The following PEAK1 variants were observed in gnomAD, a reference collection of about 807,000 sequenced individuals.
The protein encoded by PEAK1 is pseudopodium enriched atypical kinase 1.
Under a neutral mutation model 124.7 loss-of-function variants are expected in PEAK1, and 54 were observed. The ratio of observed to expected loss-of-function variants is 0.43; its 90% CI spans 0.35 to 0.54. The LOEUF (loss-of-function observed/expected upper bound fraction) is 0.54. Among genes scored for constraint, PEAK1 ranks in the 20% least tolerant of loss-of-function variants. PEAK1 has a pLI of 0.01. For missense variants in PEAK1, 2,046 were observed against 2,134.5 expected, an observed-to-expected ratio of 0.96 and a Z score of 0.82; for synonymous variants, 719 against 760.0, an observed-to-expected ratio of 0.95 and a Z score of 0.89.
At chr15:77,403,825 T>A (rs1430854555) in intron 1 of PEAK1, 1 of 982,628 alleles carries the variant, frequency 1.0e-6, no homozygotes, top group East Asian at 1.1e-4. Flanking sequence ...TCTATTCTAA[T>A]ATATCCCTAA....
chr15:77,173,227 G>C (rs971388966), intron 7 of PEAK1, among the ~76,000 whole-genome samples: 1 of 152,112 alleles, frequency 6.6e-6, no homozygotes, highest in Non-Finnish European at 1.5e-5. Context: ...AAGTGTCTTT[G>C]TATTATAAAA....
intron 5 of PEAK1, among the ~76,000 whole-genome samples, chr15:77,256,431 A>T (rs1000482933): frequency 2.0e-5 from 3 of 152,086 alleles, no homozygotes; most frequent in African/African-American, 7.2e-5. Context: ...AATCATATAG[A>T]ATGGAAATAC....
intron 2 of PEAK1, among the ~76,000 whole-genome samples, chr15:77,344,047 G>A (rs1388862531): frequency 6.6e-6 from 1 of 152,120 alleles, no homozygotes; most frequent in Non-Finnish European, 1.5e-5. Flanking sequence ...CGCCACCCTT[G>A]TTGAAAATCA....
intron 1 of PEAK1, chr15:77,417,391 C>A: frequency 1.0e-6 from 1 of 968,540 alleles, no homozygotes; most frequent in Admixed American, 7.9e-5. Context: ...CTTGAGGGAA[C>A]CTAGAAAGTA....
intron 6 of PEAK1, among the ~76,000 whole-genome samples, chr15:77,206,653 C>T (rs1042390947): frequency 9.3e-5 from 14 of 150,896 alleles, no homozygotes; most frequent in East Asian, 3.9e-4. Context: ...TCATGTCCTT[C>T]GCCCACTTTT....
intron 6 of PEAK1, among the ~76,000 whole-genome samples, chr15:77,209,170 T>C (rs1244356052): frequency 6.6e-6 from 1 of 152,188 alleles, no homozygotes; most frequent in Non-Finnish European, 1.5e-5. Context: ...ATAACCCTTT[T>C]ATGTCTCTTT....
chr15:77,172,459 T>C (rs1490154898), intron 7 of PEAK1, among the ~76,000 whole-genome samples: 2 of 152,204 alleles, frequency 1.3e-5, no homozygotes, highest in Admixed American at 6.5e-5. Context: ...TGACAACAAA[T>C]ACAGTTAGTT....
intron 2 of PEAK1, among the ~76,000 whole-genome samples, chr15:77,357,358 C>T (rs1212673952): frequency 1.3e-5 from 2 of 152,176 alleles, no homozygotes; most frequent in Admixed American, 1.3e-4. Flanking sequence ...CTGCAACCTC[C>T]GCCTCCGGGG....
At chr15:77,168,556 G>A (rs1596447162) in intron 7 of PEAK1, among the ~76,000 whole-genome samples, 1 of 152,156 alleles carries the variant, frequency 6.6e-6, no homozygotes, top group East Asian at 1.9e-4. Context: ...TACAGAAACA[G>A]GTAAACAAGT....
intron 2 of PEAK1, among the ~76,000 whole-genome samples, chr15:77,294,013 C>G (rs1044846090): frequency 3.3e-5 from 5 of 152,172 alleles, no homozygotes; most frequent in African/African-American, 1.2e-4. Flanking sequence ...TAGATATAAG[C>G]ATTACCTCTG....
Position 77,342,296 on chromosome 15 carries a change from C to G in PEAK1, c.-603+22867G>C, listed in dbSNP as rs867046510. Among the ~76,000 whole-genome samples the G allele has an allele frequency of 9.2e-5, 14 of 152,010 alleles. No homozygotes were observed. In the South Asian group the frequency reaches 1.2e-3, roughly 14 times the overall value. Reference sequence around the variant, plus strand: ...TATCATGCAAATCTGAAACTTATACCCATTAAGAATTCCTCTTCCCTCTCC... The same window carrying G: ...TATCATGCAAATCTGAAACTTATACGCATTAAGAATTCCTCTTCCCTCTCC... On this transcript the variant is annotated intron_variant, in intron 2 of 9. Transcript: ENST00000682557.
chr15:77,182,933 G>C (rs2057359926), intron 6 of PEAK1, among the ~76,000 whole-genome samples: 1 of 151,858 alleles, frequency 6.6e-6, no homozygotes, highest in Non-Finnish European at 1.5e-5. Context: ...CAAAACCCAT[G>C]AAATTCTTAC....
At chr15:77,269,435 A>C (rs1260954645) in intron 5 of PEAK1, among the ~76,000 whole-genome samples, 1 of 152,206 alleles carries the variant, frequency 6.6e-6, no homozygotes, top group African/African-American at 2.4e-5. Flanking sequence ...GATACTACAT[A>C]ATGATAAAAG....
intron 5 of PEAK1, chr15:77,283,667 G>C (rs1245110519): frequency 6.5e-6 from 1 of 153,776 alleles, no homozygotes; most frequent in African/African-American, 2.4e-5. Flanking sequence ...CATTTTCAAA[G>C]TATCCTTTTA....
intron 1 of PEAK1, among the ~76,000 whole-genome samples, chr15:77,410,734 T>C (rs1275018511): frequency 2.0e-5 from 3 of 152,244 alleles, no homozygotes; most frequent in African/African-American, 7.2e-5. Context: ...TATGCTCAGA[T>C]TTCTCACAAC....
At chr15:77,206,953 T>C (rs1234763918) in intron 6 of PEAK1, among the ~76,000 whole-genome samples, 3 of 152,036 alleles carry the variant, frequency 2.0e-5, no homozygotes, top group Non-Finnish European at 4.4e-5. Context: ...CCCTCAGAAA[T>C]AACGCCGCAT....
intron 1 of PEAK1, among the ~76,000 whole-genome samples, chr15:77,401,034 AG>A (rs2142009998): frequency 6.6e-6 from 1 of 152,312 alleles, no homozygotes; most frequent in South Asian, 2.1e-4. Flanking sequence ...CAAAACATTT[AG>A]AGCCAACAAA....
Position 77,414,207 on chromosome 15 carries a change from C to CTT in PEAK1, c.-666+5797_-666+5798dup, listed in dbSNP as rs71145827. On this transcript the variant is annotated intron_variant, in intron 1 of 9. Coordinates refer to ENST00000682557, the MANE Select transcript of PEAK1 (RefSeq NM_001385026.1). ...TCTGTCTTTCCTTCCTTCTTTCCTT[C>CTT]TTTTTTTTTTTTTTTTTTTTGAGAC... 7.7e-3 allele frequency among the ~76,000 whole-genome samples: 526 copies of CTT among 67,910 alleles called. 15 individuals are homozygous for CTT. The highest frequency in any genetic ancestry group is 0.019 in the African/African-American group (432 of 22,476). 44.6% of individuals were successfully genotyped at this position (67,910 alleles called of 152,430 possible).
downstream of PEAK1, chr15:77,105,347 TGTGTGTGTGTGC>T (rs745820365): frequency 3.6e-3 from 490 of 136,174 alleles, 1 homozygote; most frequent in Middle Eastern, 7.5e-3. Flanking sequence ...TGTGTGTGTG[TGTGTGTGTGTGC>T]GCGCGTGCGC....
Sources: gnomAD v4.1 joint callset for allele counts (sites outside exome capture counted in the v4.1 genomes callset) on GRCh38, gnomAD v4.1.1 for gene constraint, MANE v1.5 for transcripts, NCBI Gene and HGNC (gene_info 2026-07-23, HGNC 2026-07-21) for gene names.